Variants in LANCL3 observed in about 807,000 individuals in gnomAD.
The protein encoded by LANCL3 is LanC like family member 3.
A neutral mutation model predicts 26.5 loss-of-function variants in LANCL3; 19 were observed. That is an observed-to-expected ratio of 0.72 (90% CI 0.50 to 1.05). LANCL3 has a LOEUF of 1.05. LANCL3 is among the 50% of genes least tolerant of loss of function. The pLI is 0.00. For missense variants in LANCL3, 318 were observed against 362.7 expected, an observed-to-expected ratio of 0.88 and a Z score of 1.00; for synonymous variants, 160 against 166.6, an observed-to-expected ratio of 0.96 and a Z score of 0.30.
In LANCL3 at chrX:37,586,990, C is replaced by T. The variant is rs187180538; in HGVS notation, c.573+14547C>T. 8.8e-3 allele frequency among the ~76,000 whole-genome samples: 988 copies of T among 112,487 alleles called. 10 individuals are homozygous for T. The highest frequency in any genetic ancestry group is 0.03 in the African/African-American group (935 of 30,974). On this transcript the variant is annotated intron_variant, in intron 1 of 4. Coordinates refer to ENST00000378619, the MANE Select transcript of LANCL3 (RefSeq NM_001170331.2). ...TGGGGTTTTGGTGTGGATGTACTTT[C>T]AGTTTGTTAGTTTTCCTTCTAACAG...
At chrX:37,667,550 A>G (rs1926575993) in intron 4 of LANCL3, 61 bp downstream of exon 4, 4 of 825,329 alleles carry the variant, frequency 4.8e-6, no homozygotes, top group Non-Finnish European at 6.5e-6. Context: ...ATTTTTCTGA[A>G]TTACTAATAT....
Position 37,602,770 on chromosome X carries a change from T to G in LANCL3, c.573+30327T>G, listed in dbSNP as rs938776885. On this transcript the variant is annotated intron_variant, in intron 1 of 4. Transcript: ENST00000378619. ...AAATTGAGGAAAAATGCAATTTTGG[T>G]TGGAGGGGTGATTTTTTTTCTCTTA... is the stretch of plus-strand genomic sequence containing the variant. Among the ~76,000 whole-genome samples the G allele has an allele frequency of 2.7e-5, 3 of 110,983 alleles. No individual in the cohort carries two copies. The East Asian group carries it at 8.5e-4, about 31-fold the overall frequency.
At position 37,572,209 on chromosome X, in the gene LANCL3, C is replaced by A; in HGVS notation, c.339C>A (p.Asp113Glu). The change falls in exon 1 of 5, where the codon GAC (aspartate) becomes GAA (glutamate). Residue 113 changes from aspartate (D) to glutamate (E), a missense_variant. Asp to Glu is a conservative substitution (Grantham distance 45, BLOSUM62 2). Coordinates refer to ENST00000378619, the MANE Select transcript of LANCL3 (RefSeq NM_001170331.2). The stretch of plus-strand genomic sequence containing the variant: ...GCGCTGAGGAGTGGGGCGAACCGGA[C>A]GCCGACACCCGCGCCGCCTTCCTGC... ...CARAEEWGEP[D>E]ADTRAAFLLG... 1.7e-6 allele frequency: 2 copies of A among 1,157,985 alleles called. No individual in the cohort carries two copies. The highest frequency in any genetic ancestry group is 2.3e-6 in the Non-Finnish European group (2 of 872,740).
Position 37,650,035 on chromosome X carries a change from T to C in LANCL3, c.574-5653T>C, listed in dbSNP as rs560996081. On this transcript the variant is annotated intron_variant, in intron 1 of 4. Coordinates refer to ENST00000378619, the MANE Select transcript of LANCL3 (RefSeq NM_001170331.2). ...AAAAGATCCCGGCCAGGCGTGGTGG[T>C]TCACGCCTGTAATCCCACCACTTTG... is the stretch of plus-strand genomic sequence containing the variant. 2.1e-4 allele frequency among the ~76,000 whole-genome samples: 23 copies of C among 110,654 alleles called. No homozygotes were observed. The South Asian group carries it at 3.5e-3, about 17-fold the overall frequency.
At chrX:37,639,863 A>G (rs901115954) in intron 1 of LANCL3, among the ~76,000 whole-genome samples, 11 of 111,451 alleles carry the variant, frequency 9.9e-5, no homozygotes, top group African/African-American at 3.6e-4. Flanking sequence ...TTAACTCACC[A>G]TGTAATTATG....
At chrX:37,628,702 G>A (rs782224654) in intron 1 of LANCL3, among the ~76,000 whole-genome samples, 2 of 102,718 alleles carry the variant, frequency 1.9e-5, no homozygotes, top group African/African-American at 3.6e-5. Flanking sequence ...GTGGTGTTTG[G>A]TTTTTTGTCC....
chrX:37,631,051 G>A lies in LANCL3; in HGVS notation c.574-24637G>A, dbSNP rs1192404860. On this transcript the variant is annotated intron_variant, in intron 1 of 4. Coordinates refer to ENST00000378619, the MANE Select transcript of LANCL3 (RefSeq NM_001170331.2). Reference sequence around the variant, plus strand: ...GTACCAGCTCCTCCTTGTACCTCTGGTAGAATTCGGCTGTGAATCCATCTG... The same window carrying A: ...GTACCAGCTCCTCCTTGTACCTCTGATAGAATTCGGCTGTGAATCCATCTG... 3.6e-5 allele frequency among the ~76,000 whole-genome samples: 4 copies of A among 111,678 alleles called. No individual in the cohort carries two copies. The Admixed American group carries it at 3.8e-4, about 11-fold the overall frequency.
intron 1 of LANCL3, among the ~76,000 whole-genome samples, chrX:37,578,083 C>G (rs1238575533): frequency 8.9e-6 from 1 of 112,271 alleles, no homozygotes; most frequent in Non-Finnish European, 1.9e-5. Flanking sequence ...AGCTGTTTCA[C>G]CTTTCAATGT....
At chrX:37,608,440 TCA>T (rs1212360207) in intron 1 of LANCL3, among the ~76,000 whole-genome samples, 2 of 111,405 alleles carry the variant, frequency 1.8e-5, no homozygotes, top group East Asian at 2.8e-4. Flanking sequence ...GCTCCAGTGA[TCA>T]CACTGAGAAC....
At chrX:37,617,101 T>C (rs140060705) in intron 1 of LANCL3, among the ~76,000 whole-genome samples, 2,120 of 82,297 alleles carry the variant, frequency 0.026, 27 homozygotes, top group African/African-American at 0.055. Flanking sequence ...CATGTGACTA[T>C]AGGAACAAGG....
chrX:37,592,628 C>T (rs1272080011), intron 1 of LANCL3, among the ~76,000 whole-genome samples: 1 of 111,186 alleles, frequency 9.0e-6, no homozygotes, highest in South Asian at 3.7e-4. Flanking sequence ...AAAAAGATAG[C>T]AGAAATAAAA....
At chrX:37,623,575 T>G (rs1925229170) in intron 1 of LANCL3, among the ~76,000 whole-genome samples, 1 of 112,662 alleles carries the variant, frequency 8.9e-6, no homozygotes. Flanking sequence ...TATTAGTTTT[T>G]GTTTTTGTTT....
At chrX:37,653,830 T>C (rs1556429949) in intron 1 of LANCL3, among the ~76,000 whole-genome samples, 1 of 110,592 alleles carries the variant, frequency 9.0e-6, no homozygotes, top group Non-Finnish European at 1.9e-5. Context: ...TTCAGGAATG[T>C]TAGGAGGAGT....
At chrX:37,591,917 A>G (rs1244943283) in intron 1 of LANCL3, among the ~76,000 whole-genome samples, 1 of 110,038 alleles carries the variant, frequency 9.1e-6, no homozygotes, top group Admixed American at 9.6e-5. Context: ...TGATAGGGAA[A>G]CCTGCAGTTC....
In LANCL3 at chrX:37,659,319, C is replaced by T. The variant is rs188823341; in HGVS notation, c.698-143C>T. On this transcript the variant is annotated intron_variant, in intron 2 of 4. Transcript: ENST00000378619. ...GCTATAGTTTGCTAGAAGCCTAGTT[C>T]TTAGGCAACTTAGTTATCACATTGC... is the stretch of plus-strand genomic sequence containing the variant. 441 of 469,343 alleles carry T rather than the reference C, an allele frequency of 9.4e-4. 4 individuals carry two copies. Among genetic ancestry groups the T allele is most frequent in the African/African-American group, 9.2e-3 (380 of 41,292 alleles). 38.7% of individuals were successfully genotyped at this position (469,343 alleles called of 1,213,427 possible). A position where few individuals can be genotyped will look rare whatever the true frequency, so the allele number is the denominator to read the frequency against.
chrX:37,639,244 CATATACACACATACATAT>C (rs2146764776), intron 1 of LANCL3, among the ~76,000 whole-genome samples: 1 of 100,635 alleles, frequency 9.9e-6, no homozygotes, highest in South Asian at 5.3e-4. Context: ...TACCTACATA[CATATACACACATACATAT>C]ATATACATAC....
chrX:37,634,330 C>T (rs964506460), intron 1 of LANCL3, among the ~76,000 whole-genome samples: 14 of 112,812 alleles, frequency 1.2e-4, no homozygotes, highest in Non-Finnish European at 2.3e-4. Flanking sequence ...TCCGATTTTC[C>T]AGGTGCCGTC....
At chrX:37,611,724 T>C (rs1264961093) in intron 1 of LANCL3, among the ~76,000 whole-genome samples, 5 of 111,059 alleles carry the variant, frequency 4.5e-5, no homozygotes, top group African/African-American at 1.3e-4. Context: ...GGAGCCAGAG[T>C]GCCAGAGTTT....
chrX:37,617,730 A>G (rs1178843224), intron 1 of LANCL3, among the ~76,000 whole-genome samples: 4 of 111,619 alleles, frequency 3.6e-5, no homozygotes, highest in Non-Finnish European at 7.5e-5. Context: ...AGCCACCAAC[A>G]GCCTATAGCC....
Sources: allele counts gnomAD v4.1 joint callset (sites outside exome capture counted in the v4.1 genomes callset), GRCh38; gene constraint gnomAD v4.1.1; transcripts MANE v1.5; gene names NCBI Gene and HGNC (gene_info 2026-07-23, HGNC 2026-07-21).